Variants in RNF19B observed in about 807,000 individuals in gnomAD.
RNF19B encodes E3 ubiquitin-protein ligase RNF19B.
A neutral mutation model predicts 65.5 loss-of-function variants in RNF19B; 23 were observed. That is an observed-to-expected ratio of 0.35 (90% CI 0.25 to 0.50). RNF19B has a LOEUF of 0.50. Among genes scored for constraint, RNF19B ranks in the 20% least tolerant of loss-of-function variants. The pLI is 0.98. For missense variants in RNF19B, 794 were observed against 980.0 expected, an observed-to-expected ratio of 0.81 and a Z score of 2.53; for synonymous variants, 372 against 379.6, an observed-to-expected ratio of 0.98 and a Z score of 0.23.
At chr1:32,959,460 T>C (rs1283959177) in intron 1 of RNF19B, among the ~76,000 whole-genome samples, 1 of 152,152 alleles carries the variant, frequency 6.6e-6, no homozygotes, top group Non-Finnish European at 1.5e-5. Context: ...TGAAAAGACA[T>C]ACTTGGGCAG....
At position 32,947,711 on chromosome 1, in the gene RNF19B, A is replaced by C. The variant is rs74881630; in HGVS notation, c.983+511T>G. Among the ~76,000 whole-genome samples the C allele has an allele frequency of 4.9e-3, 744 of 152,182 alleles. 6 individuals carry two copies. Among genetic ancestry groups the C allele is most frequent in the African/African-American group, 0.016 (665 of 41,530 alleles). ...AATGAATTCCTTGGGAACTCACTAA[A>C]TGCAAAAAACTGTAAAAAGGTCACA... On this transcript the variant is annotated intron_variant, in intron 3 of 8. Transcript: ENST00000235150.
chr1:32,931,522 T>G (rs1642030089), downstream of RNF19B, among the ~76,000 whole-genome samples: 1 of 152,210 alleles, frequency 6.6e-6, no homozygotes, highest in African/African-American at 2.4e-5. Context: ...GCACTAGGAT[T>G]TATCCAAATC....
Position 32,964,142 on chromosome 1 carries a change from G to A in RNF19B, c.544C>T (p.Pro182Ser), listed in dbSNP as rs1333424631. The part of the protein sequence containing the change: ...PHDIRLLLAD[P>S]PLMHKYEEFM... ...TCCTCGTACTTGTGCATAAGCGGCG[G>A]GTCGGCGAGCAGCAAGCGGATGTCG... Residue 182 changes from proline (P) to serine (S), a missense_variant, in exon 1 of 9, where the codon CCG (proline) becomes TCG (serine). Coordinates refer to ENST00000235150, the MANE Select transcript of RNF19B (RefSeq NM_001300826.2). The surrounding 1 kb of genome is among the most constrained non-coding windows in gnomAD (Gnocchi z 6.5). 6.5e-7 allele frequency: 1 copy of A among 1,544,394 alleles called. No homozygotes were observed. The highest frequency in any genetic ancestry group is 1.2e-5 in the South Asian group (1 of 83,518).
chr1:32,954,873 G>A (rs917541827), intron 1 of RNF19B, among the ~76,000 whole-genome samples: 8 of 152,046 alleles, frequency 5.3e-5, no homozygotes, highest in African/African-American at 1.2e-4. Flanking sequence ...GATATATGGC[G>A]TAAAAACATC....
At chr1:32,955,631 C>T (rs1480562792) in intron 1 of RNF19B, among the ~76,000 whole-genome samples, 1 of 151,800 alleles carries the variant, frequency 6.6e-6, no homozygotes, top group Non-Finnish European at 1.5e-5. Flanking sequence ...TGCCTGTAGT[C>T]CCAGCTACTC....
At position 32,937,213 on chromosome 1, in the gene RNF19B, T is replaced by C; in HGVS notation, c.1789A>G (p.Ser597Gly). 2 of 1,614,140 alleles carry C rather than the reference T, an allele frequency of 1.2e-6. No individual in the cohort carries two copies. The highest frequency in any genetic ancestry group is 1.7e-6 in the Non-Finnish European group (2 of 1,180,018). Residue 597 changes from serine to glycine, a missense_variant, in exon 9 of 9, where the codon AGC (serine) becomes GGC (glycine). By Grantham distance (56) the Ser-to-Gly change is moderately conservative. Coordinates refer to ENST00000235150, the MANE Select transcript of RNF19B (RefSeq NM_001300826.2). ...EIQVDIEAKP[S>G]HYQLVSGSST... is the part of the protein sequence containing the mutation. The stretch of plus-strand genomic sequence containing the variant: ...CTTCCACTCACCAGCTGATAGTGGC[T>C]TGGTTTGGCTTCAATGTCCACTTGG...
At chr1:32,943,924 T>G in intron 6 of RNF19B, 95 bp downstream of exon 6, 1 of 1,246,790 alleles carries the variant, frequency 8.0e-7, no homozygotes, top group African/African-American at 1.5e-5. Context: ...TCCAAAGTAA[T>G]CCAATGACAA....
At chr1:32,929,050 G>T in the RNF19B span, among the ~76,000 whole-genome samples, 1 of 152,176 alleles carries the variant, frequency 6.6e-6, no homozygotes. Flanking sequence ...TTAAGTAACA[G>T]AAATTTATTG....
At chr1:32,955,953 G>A (rs1160126927) in intron 1 of RNF19B, among the ~76,000 whole-genome samples, 1 of 152,118 alleles carries the variant, frequency 6.6e-6, no homozygotes, top group Admixed American at 6.6e-5. Flanking sequence ...GACACAGCTG[G>A]GTGCAGTGGC....
intron 5 of RNF19B, among the ~76,000 whole-genome samples, chr1:32,944,813 C>T (rs530542417): frequency 6.6e-6 from 1 of 152,180 alleles, no homozygotes; most frequent in South Asian, 2.1e-4. Flanking sequence ...CTCAGCCTCC[C>T]AAGTAGCTGG....
Position 32,942,159 on chromosome 1 carries a change from G to C in RNF19B, c.1610+93C>G. 3.0e-6 allele frequency: 3 copies of C among 987,172 alleles called. No homozygotes were observed. In the South Asian group the frequency reaches 4.8e-5, roughly 16 times the overall value. 61.2% of individuals were successfully genotyped at this position (987,172 alleles called of 1,614,324 possible). A position where few individuals can be genotyped will look rare whatever the true frequency, so the allele number is the denominator to read the frequency against. On this transcript the variant is annotated intron_variant, in intron 7 of 8. Transcript: ENST00000235150. Reference sequence around the variant, plus strand: ...ATTGACAATTAAATCAAAATAAGATGATACGTGGCACAAGCCTGGCACAGA... The same window carrying C: ...ATTGACAATTAAATCAAAATAAGATCATACGTGGCACAAGCCTGGCACAGA...
At chr1:32,931,846 T>C (rs1330694193), downstream of RNF19B, among the ~76,000 whole-genome samples, 3 of 152,240 alleles carry the variant, frequency 2.0e-5, no homozygotes, top group African/African-American at 7.2e-5. Context: ...CCAACGTCTT[T>C]TCTCCAAAAG....
Position 32,945,503 on chromosome 1 carries a change from G to A in RNF19B, c.1261+11C>T, listed in dbSNP as rs1357660039. On this transcript the variant is annotated intron_variant, in intron 5 of 8. Transcript: ENST00000235150. ...GCTGAGAGAGAAGAGGTGTGGTCCT[G>A]ACTAGCTTACCAACACTAACTGCAG... is the stretch of plus-strand genomic sequence containing the variant. 1.3e-6 allele frequency: 2 copies of A among 1,558,064 alleles called. No individual in the cohort carries two copies. Among genetic ancestry groups the A allele is most frequent in the East Asian group, 2.2e-5 (1 of 44,672 alleles).
intron 5 of RNF19B, 133 bp downstream of exon 5, chr1:32,945,381 G>T: frequency 1.8e-6 from 1 of 544,562 alleles, no homozygotes; most frequent in East Asian, 2.9e-5. Flanking sequence ...TCATAATCAT[G>T]GTGCCTAACA....
the RNF19B span, among the ~76,000 whole-genome samples, chr1:32,931,088 C>CA: frequency 0.32 from 46,797 of 144,368 alleles, 7,277 homozygotes; most frequent in Middle Eastern, 0.46. Context: ...ACTCTGTCTC[C>CA]AAAAAAAAAA....
intron 6 of RNF19B, among the ~76,000 whole-genome samples, chr1:32,942,906 C>T (rs1642272377): frequency 6.6e-6 from 1 of 151,976 alleles, no homozygotes; most frequent in African/African-American, 2.4e-5. Context: ...TTTGGGAGGC[C>T]GAGGCGGGCG....
chr1:32,957,125 G>A (rs1178398256), intron 1 of RNF19B, among the ~76,000 whole-genome samples: 1 of 152,164 alleles, frequency 6.6e-6, no homozygotes. Context: ...TTATTTCCAT[G>A]GCTTACACAG....
At chr1:32,951,725 A>C (rs1437016835) in intron 1 of RNF19B, among the ~76,000 whole-genome samples, 2 of 152,156 alleles carry the variant, frequency 1.3e-5, no homozygotes, top group Non-Finnish European at 2.9e-5. Flanking sequence ...TCCAGAATCC[A>C]AGAATACCAG....
chr1:32,932,267 C>T (rs929219532), downstream of RNF19B, among the ~76,000 whole-genome samples: 10 of 152,182 alleles, frequency 6.6e-5, no homozygotes, highest in Admixed American at 3.3e-4. Flanking sequence ...TACAAGAAAA[C>T]ATATCGCAAA....
Sources: gnomAD v4.1 joint callset for allele counts (sites outside exome capture counted in the v4.1 genomes callset) on GRCh38, gnomAD v4.1.1 for gene constraint, Gnocchi (gnomAD v3.1) non-coding constraint, MANE v1.5 for transcripts, NCBI Gene and HGNC (gene_info 2026-07-23, HGNC 2026-07-21) for gene names.